Variants in GALNT9 observed in about 807,000 individuals in gnomAD.
GALNT9 encodes polypeptide N-acetylgalactosaminyltransferase 9, also known as GalNAc transferase 9.
In GALNT9, 47 loss-of-function variants were observed where a neutral mutation model predicts 63.1. That is an observed-to-expected ratio of 0.75 (90% CI 0.59 to 0.95). GALNT9 has a LOEUF of 0.95. Ranked by LOEUF, GALNT9 falls within the 40% of genes least tolerant of loss-of-function variation. The probability of loss-of-function intolerance (pLI) is 0.00; values close to 1 mark genes in which losing one functional copy is unlikely to be tolerated. For synonymous variants in GALNT9, 396 were observed against 365.7 expected, an observed-to-expected ratio of 1.08 and a Z score of -0.94; for missense variants, 829 against 874.8, an observed-to-expected ratio of 0.95 and a Z score of 0.66.
chr12:132,302,680 C>T (rs577843454), intron 1 of GALNT9, among the ~76,000 whole-genome samples: 12 of 152,318 alleles, frequency 7.9e-5, no homozygotes, highest in East Asian at 5.8e-4. Context: ...GCCGCTTCCA[C>T]GCAGGTGTGG....
intron 2 of GALNT9, chr12:132,275,242 G>A (rs950559891): frequency 1.3e-5 from 2 of 152,344 alleles, no homozygotes; most frequent in African/African-American, 4.8e-5. Context: ...AGCCCGGCAG[G>A]AACTCCCTAA....
chr12:132,273,181 G>A (rs1879932228), intron 2 of GALNT9: 1 of 152,380 alleles, frequency 6.6e-6, no homozygotes. Flanking sequence ...GGAGTGCAGT[G>A]GCACAATCTC....
At chr12:132,199,386 G>C in intron 8 of GALNT9, 117 bp from the exon 9 acceptor site, 2 of 715,338 alleles carry the variant, frequency 2.8e-6, no homozygotes, top group Non-Finnish European at 4.7e-6. Context: ...GAGGAGGAGG[G>C]GGCGTGTGGG....
At position 132,286,523 on chromosome 12, in the gene GALNT9, C is replaced by T. The variant is rs561170289; in HGVS notation, c.239-93G>A. On this transcript the variant is annotated intron_variant, in intron 1 of 10. Coordinates refer to ENST00000328957, the MANE Select transcript of GALNT9 (RefSeq NM_001122636.2). The surrounding 1 kb of genome is among the most constrained non-coding windows in gnomAD (Gnocchi z 7.4). ...CCCTCCCGCCCCTCTCCCCGACGGC[C>T]GCTTCCCCCGGTACAAGCCCAGCAA... The T allele has an allele frequency of 8.3e-6, 12 of 1,447,560 alleles. No homozygotes were observed. Among genetic ancestry groups the T allele is most frequent in the East Asian group, 7.5e-5 (3 of 39,882 alleles). The allele number at this position is 1,447,560 out of a possible 1,614,324, so 89.7% of individuals were successfully genotyped here.
chr12:132,214,423 A>G (rs959461812), intron 6 of GALNT9, among the ~76,000 whole-genome samples: 4 of 152,178 alleles, frequency 2.6e-5, no homozygotes, highest in African/African-American at 9.6e-5. Flanking sequence ...GTGATTTCCT[A>G]GAGCTAGTGA....
chr12:132,213,988 G>A (rs73166857), intron 6 of GALNT9, among the ~76,000 whole-genome samples: 33,802 of 152,096 alleles, frequency 0.22, 3,999 homozygotes, highest in Middle Eastern at 0.32. Context: ...GGACACCCGC[G>A]ACTCCGAGTC....
intron 2 of GALNT9, among the ~76,000 whole-genome samples, chr12:132,272,297 A>G (rs529438437): frequency 2.0e-5 from 3 of 152,356 alleles, no homozygotes; most frequent in African/African-American, 7.2e-5. Flanking sequence ...GGGGCGGGAC[A>G]GGGTCAGGGC....
intron 1 of GALNT9, among the ~76,000 whole-genome samples, chr12:132,300,357 C>A (rs1881248168): frequency 7.4e-6 from 1 of 134,404 alleles, no homozygotes; most frequent in Non-Finnish European, 1.6e-5. Context: ...ACATCTAACC[C>A]ATCCCTGAGA....
intron 2 of GALNT9, among the ~76,000 whole-genome samples, chr12:132,271,248 A>T (rs2135551035): frequency 6.7e-6 from 1 of 150,058 alleles, no homozygotes; most frequent in South Asian, 2.1e-4. Flanking sequence ...AGCCGACGAA[A>T]CTCCAGTCAC....
At chr12:132,223,007 A>C in intron 6 of GALNT9, among the ~76,000 whole-genome samples, 1 of 77,454 alleles carries the variant, frequency 1.3e-5, no homozygotes, top group South Asian at 5.1e-4. Flanking sequence ...TACACCCCAC[A>C]CAACCCACAC....
intron 2 of GALNT9, among the ~76,000 whole-genome samples, chr12:132,268,150 ATC>A (rs1212100093): frequency 6.7e-6 from 1 of 148,534 alleles, no homozygotes; most frequent in Non-Finnish European, 1.5e-5. Flanking sequence ...CACACACGCA[ATC>A]TCACACAAGC....
chr12:132,214,458 T>C (rs1432327497), intron 6 of GALNT9, among the ~76,000 whole-genome samples: 1 of 152,166 alleles, frequency 6.6e-6, no homozygotes, highest in African/African-American at 2.4e-5. Flanking sequence ...TCTTTCCAAA[T>C]GCAAACCAGG....
Position 132,329,242 on chromosome 12 carries a change from C to G in GALNT9, c.-39G>C. On this transcript the variant is annotated 5_prime_UTR_variant, in exon 1 of 11. Transcript: ENST00000328957. ...GCGGGGGCCTCACCCGCGGGGCATC[C>G]CCAGCATCCCCGCCCGGGCCTGGGC... 6.6e-7 allele frequency: 1 copy of G among 1,523,766 alleles called. No homozygotes were observed. Among genetic ancestry groups the G allele is most frequent in the Middle Eastern group, 1.7e-4 (1 of 5,914 alleles). The allele number at this position is 1,523,766 out of a possible 1,614,324, so 94.4% of individuals were successfully genotyped here. A position where few individuals can be genotyped will look rare whatever the true frequency, so the allele number is the denominator to read the frequency against.
rs914461183 is a variant in GALNT9 at position 132,227,325 on chromosome 12, T to C, written c.1077+20585A>G. Among the ~76,000 whole-genome samples the C allele has an allele frequency of 7.1e-3, 1,088 of 152,180 alleles. 14 individuals are homozygous for C. Among genetic ancestry groups the C allele is most frequent in the African/African-American group, 0.023 (965 of 41,480 alleles). Reference sequence around the variant, plus strand: ...CCGTCCCCGAACGCGTGTGGGGAAGTGCATTGCACGGACAAAGGCCTGCGA... The same window carrying C: ...CCGTCCCCGAACGCGTGTGGGGAAGCGCATTGCACGGACAAAGGCCTGCGA... On this transcript the variant is annotated intron_variant, in intron 6 of 10. Coordinates refer to ENST00000328957, the MANE Select transcript of GALNT9 (RefSeq NM_001122636.2).
intron 2 of GALNT9, among the ~76,000 whole-genome samples, chr12:132,281,441 C>T (rs1302562747): frequency 1.3e-5 from 2 of 152,158 alleles, no homozygotes; most frequent in African/African-American, 4.8e-5. Flanking sequence ...GTGTCAAAGC[C>T]TCCTCACTTT....
chr12:132,220,616 A>C (rs1593070232), intron 6 of GALNT9, among the ~76,000 whole-genome samples: 1 of 152,198 alleles, frequency 6.6e-6, no homozygotes, highest in African/African-American at 2.4e-5. Flanking sequence ...GTGCAGAACC[A>C]GGGGAATTTC....
intron 1 of GALNT9, among the ~76,000 whole-genome samples, chr12:132,322,712 C>T (rs1868857916): frequency 1.3e-5 from 2 of 152,162 alleles, no homozygotes; most frequent in Admixed American, 6.5e-5. Flanking sequence ...CAGGCCTGGG[C>T]GGCTTCCTGG....
At chr12:132,260,482 G>A (rs1879334450) in intron 4 of GALNT9, among the ~76,000 whole-genome samples, 1 of 152,222 alleles carries the variant, frequency 6.6e-6, no homozygotes, top group African/African-American at 2.4e-5. Context: ...CTAGGCTAAG[G>A]CCTCGGGGGC....
rs1555246570 is a variant in GALNT9, at chr12:132,327,209, A to AG, written c.238+1756dup. The stretch of plus-strand genomic sequence containing the variant: ...CAATTTTAAAAGAAAGAAAGGAGGA[A>AG]GGGGGAGGGAAGCGAAGAGGAAGAA... On this transcript the variant is annotated intron_variant, in intron 1 of 10. Coordinates refer to ENST00000328957, the MANE Select transcript of GALNT9 (RefSeq NM_001122636.2). This position sits in a 1 kb window ranked among gnomAD's most constrained non-coding sequence, Gnocchi z 4.3. Among the ~76,000 whole-genome samples, 5 of 138,890 alleles carry AG rather than the reference A, an allele frequency of 3.6e-5. No individual in the cohort carries two copies. 91.1% of individuals were successfully genotyped at this position (138,890 alleles called of 152,430 possible).
Sources: gnomAD v4.1 joint callset for allele counts (sites outside exome capture counted in the v4.1 genomes callset) on GRCh38, gnomAD v4.1.1 for gene constraint, Gnocchi (gnomAD v3.1) non-coding constraint, MANE v1.5 for transcripts, NCBI Gene and HGNC (gene_info 2026-07-23, HGNC 2026-07-21) for gene names.